SAMD3: variants seen among roughly 807,000 people sequenced by gnomAD.
SAMD3 encodes the protein sterile alpha motif domain containing 3.
A neutral mutation model predicts 58.5 loss-of-function variants in SAMD3; 63 were observed. The observed-to-expected ratio is 1.08, with a 90% CI of 0.88 to 1.33. The LOEUF (loss-of-function observed/expected upper bound fraction) is 1.33. Ranked by LOEUF, SAMD3 falls within the 40% of genes most tolerant of loss-of-function variation. The pLI is 0.00. For missense variants in SAMD3, 604 were observed against 608.4 expected (o/e 0.99, Z 0.08); for synonymous variants, 220 against 210.3 (o/e 1.05, Z -0.40).
chr6:130,215,849 G>A (rs1400533638), intron 2 of SAMD3: 2 of 1,534,534 alleles, frequency 1.3e-6, no homozygotes, highest in Admixed American at 2.0e-5. Context: ...GCTTCTCATT[G>A]TTTTCCGTTA....
chr6:130,346,148 C>T (rs1243916048), intron 1 of SAMD3, among the ~76,000 whole-genome samples: 8 of 152,294 alleles, frequency 5.3e-5, no homozygotes, highest in South Asian at 2.1e-4. Context: ...GCGTGAGTGA[C>T]GCAGAAGATG....
chr6:130,318,362 T>C (rs1176735043), intron 1 of SAMD3, among the ~76,000 whole-genome samples: 1 of 152,126 alleles, frequency 6.6e-6, no homozygotes, highest in African/African-American at 2.4e-5. Flanking sequence ...TTTATAGAAA[T>C]AAAATACATA....
At chr6:130,163,926 A>G (rs149960840) in intron 8 of SAMD3, among the ~76,000 whole-genome samples, 1 of 152,200 alleles carries the variant, frequency 6.6e-6, no homozygotes, top group African/African-American at 2.4e-5. Context: ...TATGTACCCA[A>G]TAAGTAGGAA....
Position 130,144,560 on chromosome 6 carries a change from T to C in SAMD3, c.1523A>G (p.Glu508Gly). ...MHSPYFPSLK[E>G]KENEVGFQHP... ...CTGAAATCCTACTTCGTTTTCCTTT[T>C]CTTTCAAAGAAGGAAAATAAGGACT... Residue 508 changes from glutamate to glycine, a missense_variant, in exon 12 of 12, where the codon GAA (glutamate) becomes GGA (glycine). Glu to Gly is a moderately conservative substitution (Grantham distance 98, BLOSUM62 -2). Transcript: ENST00000439090. The C allele has an allele frequency of 6.2e-7, 1 of 1,614,050 alleles. No individual in the cohort carries two copies. Among genetic ancestry groups the C allele is most frequent in the Non-Finnish European group, 8.5e-7 (1 of 1,179,968 alleles).
chr6:130,339,488 T>A lies in SAMD3; in HGVS notation c.-304+25632A>T, dbSNP rs2115021755. On this transcript the variant is annotated intron_variant, in intron 1 of 13. Coordinates refer to the SAMD3 transcript ENST00000368134. ...TGAGTTCTCATGAGACCTGATGGTT[T>A]TATAAGTGACAGTTCTTCCTTCACA... Among the ~76,000 whole-genome samples the A allele has an allele frequency of 1.3e-5, 2 of 152,256 alleles. 1 individual carries two copies. The highest frequency in any genetic ancestry group is 4.1e-4 in the South Asian group (2 of 4,822).
intron 5 of SAMD3, among the ~76,000 whole-genome samples, chr6:130,205,252 AG>A (rs1429389597): frequency 2.6e-5 from 4 of 151,470 alleles, no homozygotes; most frequent in African/African-American, 9.7e-5. Context: ...AAGTGTATTC[AG>A]TCTTTCATTG....
chr6:130,289,012 C>T (rs1216508101), intron 2 of SAMD3, among the ~76,000 whole-genome samples: 1 of 152,202 alleles, frequency 6.6e-6, no homozygotes, highest in Non-Finnish European at 1.5e-5. Context: ...ATTAGACCTA[C>T]TGAGTGTTAA....
intron 2 of SAMD3, among the ~76,000 whole-genome samples, chr6:130,279,358 A>G (rs1774900644): frequency 6.6e-6 from 1 of 152,106 alleles, no homozygotes; most frequent in Middle Eastern, 3.4e-3. Flanking sequence ...TGATCGTTTT[A>G]TAAGCATCTG....
intron 7 of SAMD3, chr6:130,182,987 A>G: frequency 5.2e-6 from 1 of 191,706 alleles, no homozygotes; most frequent in South Asian, 9.4e-5. Context: ...TTACAGCATC[A>G]TAAACACTCA....
chr6:130,320,966 T>G (rs1024234764), intron 1 of SAMD3, among the ~76,000 whole-genome samples: 1 of 152,222 alleles, frequency 6.6e-6, no homozygotes, highest in Admixed American at 6.5e-5. Context: ...TCCCTTGACA[T>G]GGGTAATGCT....
In SAMD3 at chr6:130,153,662, A is replaced by ATATATATATATATT. The variant is rs1423735345; in HGVS notation, c.1023+1162_1023+1163insAATATATATATATA. On this transcript the variant is annotated intron_variant, in intron 9 of 11. Coordinates refer to ENST00000439090, the MANE Select transcript of SAMD3 (RefSeq NM_001017373.4). ...CATTAAATTTCATATATATATATAT[A>ATATATATATATATT]TATTTATTTATTTATTTATTTTTTA... 1.6e-4 allele frequency among the ~76,000 whole-genome samples: 21 copies of ATATATATATATATT among 131,266 alleles called. 1 individual carries two copies. The highest frequency in any genetic ancestry group is 5.2e-4 in the African/African-American group (19 of 36,210). The allele number at this position is 131,266 out of a possible 152,430, so 86.1% of individuals were successfully genotyped here. A position where few individuals can be genotyped will look rare whatever the true frequency, so the allele number is the denominator to read the frequency against.
At chr6:130,333,771 A>G (rs1246258797) in intron 1 of SAMD3, among the ~76,000 whole-genome samples, 1 of 152,222 alleles carries the variant, frequency 6.6e-6, no homozygotes, top group Non-Finnish European at 1.5e-5. Flanking sequence ...AGATGGAGAA[A>G]GAGAGTTTCA....
rs913472912 is a variant in SAMD3 at position 130,273,062 on chromosome 6, GTTC to G, written c.-188+39913_-188+39915del. On this transcript the variant is annotated intron_variant, in intron 2 of 13. Transcript: ENST00000368134. ...GATTTTTTTATGTTGGAGTATTGAA[GTTC>G]TTTTTTTTTAATTTTATTTCTCTGA... Among the ~76,000 whole-genome samples the G allele has an allele frequency of 9.7e-5, 13 of 133,394 alleles. No homozygotes were observed. In the South Asian group the frequency reaches 2.1e-3, roughly 22 times the overall value. 87.5% of individuals were successfully genotyped at this position (133,394 alleles called of 152,430 possible). A position where few individuals can be genotyped will look rare whatever the true frequency, so the allele number is the denominator to read the frequency against.
chr6:130,205,351 T>G (rs946989211), intron 5 of SAMD3, among the ~76,000 whole-genome samples: 1 of 152,098 alleles, frequency 6.6e-6, no homozygotes, highest in Admixed American at 6.6e-5. Context: ...TCACCTAGGC[T>G]GGAGTGCAAT....
chr6:130,184,507 T>A lies in SAMD3; in HGVS notation c.500A>T (p.Asp167Val), dbSNP rs761938445. ...KCMLAEQKCP[D>V]HSMRIRIIEF... ...AATGATCCTTATCCTCATGCTGTGA[T>A]CCGGGCACTTCTGCTCTGCTAACAT... Residue 167 changes from aspartate (D) to valine (V), a missense_variant, in exon 6 of 12, where the codon GAT becomes GTT. Asp to Val is a radical substitution (Grantham distance 152). Transcript: ENST00000439090. 4 of 1,614,206 alleles carry A rather than the reference T, an allele frequency of 2.5e-6. No individual in the cohort carries two copies. In the Admixed American group the frequency reaches 6.7e-5, roughly 27 times the overall value.
At chr6:130,212,968 A>G (rs746288018) in intron 4 of SAMD3, among the ~76,000 whole-genome samples, 67 of 152,162 alleles carry the variant, frequency 4.4e-4, no homozygotes, top group Non-Finnish European at 8.7e-4. Context: ...TGCCAAAACA[A>G]TGTTTAGAAA....
At chr6:130,194,543 C>A (rs952395005) in intron 5 of SAMD3, among the ~76,000 whole-genome samples, 1 of 152,226 alleles carries the variant, frequency 6.6e-6, no homozygotes. Flanking sequence ...CTCCAGCACA[C>A]AAGAACTTCC....
intron 2 of SAMD3, 49 bp from the exon 3 acceptor site, chr6:130,215,343 G>A (rs1157283943): frequency 7.7e-6 from 10 of 1,291,182 alleles, no homozygotes; most frequent in Admixed American, 2.8e-5. Context: ...TTCTGATTGT[G>A]CCTTAATTTT....
chr6:130,308,502 G>T (rs1187075845), intron 2 of SAMD3, among the ~76,000 whole-genome samples: 1 of 151,314 alleles, frequency 6.6e-6, no homozygotes, highest in African/African-American at 2.4e-5. Context: ...AACCTAGAAG[G>T]TTGGGCCATC....
Sources: allele counts gnomAD v4.1 joint callset (sites outside exome capture counted in the v4.1 genomes callset), GRCh38; gene constraint gnomAD v4.1.1; transcripts MANE v1.5; gene names NCBI Gene and HGNC (gene_info 2026-07-23, HGNC 2026-07-21).